The following ZC3H12C variants were observed in gnomAD, a reference collection of about 807,000 sequenced individuals.
ZC3H12C encodes zinc finger CCCH-type containing 12C.
A neutral mutation model predicts 76.3 loss-of-function variants in ZC3H12C; 20 were observed. The ratio of observed to expected loss-of-function variants is 0.26; its 90% confidence interval spans 0.18 to 0.38. The LOEUF (loss-of-function observed/expected upper bound fraction) is 0.38. Among genes scored for constraint, ZC3H12C ranks in the 10% least tolerant of loss-of-function variants. ZC3H12C has a pLI of 1.00. For missense variants in ZC3H12C, 874 were observed against 1,086.5 expected, an observed-to-expected ratio of 0.80 and a Z score of 2.75; for synonymous variants, 352 against 399.6, an observed-to-expected ratio of 0.88 and a Z score of 1.42.
chr11:110,136,578 T>G, intron 1 of ZC3H12C, 85 bp from the exon 2 acceptor site: 1 of 1,426,658 alleles, frequency 7.0e-7, no homozygotes, highest in East Asian at 2.3e-5. Flanking sequence ...TTTTGAGTAG[T>G]TGAGTAATTC....
intron 2 of ZC3H12C, among the ~76,000 whole-genome samples, chr11:110,152,423 T>C (rs971204371): frequency 1.2e-4 from 18 of 152,260 alleles, no homozygotes; most frequent in African/African-American, 4.3e-4. Context: ...ATTGGTCACC[T>C]GATAAAGTTT....
chr11:110,130,014 A>G (rs757584881), intron 1 of ZC3H12C, among the ~76,000 whole-genome samples: 28 of 152,184 alleles, frequency 1.8e-4, no homozygotes, highest in Non-Finnish European at 3.7e-4. Flanking sequence ...TTATAATGTT[A>G]ACTTGTTCCT....
rs191020028 is a variant in ZC3H12C, at chr11:110,098,127, G to A, written c.21+4695G>A. Among the ~76,000 whole-genome samples, 192 of 152,286 alleles carry A rather than the reference G, an allele frequency of 1.3e-3. 3 individuals are homozygous for A. Among genetic ancestry groups the A allele is most frequent in the African/African-American group, 4.5e-3 (188 of 41,564 alleles). ...CAGTGCCGTGCCTGTTACCGCCCCT[G>A]AAGACCTTCCAGTGGGACAAAATGT... On this transcript the variant is annotated intron_variant, in intron 1 of 5. Coordinates refer to ENST00000278590, the MANE Select transcript of ZC3H12C (RefSeq NM_033390.2).
chr11:110,131,017 C>A lies in ZC3H12C; in HGVS notation c.22-5646C>A, dbSNP rs1861855526. The A allele has an allele frequency of 2.6e-6, 4 of 1,535,290 alleles. No homozygotes were observed. In the South Asian group the frequency reaches 4.8e-5, roughly 18 times the overall value. ...GTTCAACCATTCATTGTTCTTCTTG[C>A]CTGCCTGGAAGTCTGCAGCTAAAAT... On this transcript the variant is annotated intron_variant, in intron 1 of 5. Transcript: ENST00000278590.
In ZC3H12C at chr11:110,137,429, C is replaced by A; in HGVS notation, c.773+15C>A. 6.4e-7 allele frequency: 1 copy of A among 1,563,466 alleles called. No homozygotes were observed. Among genetic ancestry groups the A allele is most frequent in the Non-Finnish European group, 8.6e-7 (1 of 1,159,808 alleles). Reference sequence around the variant, plus strand: ...GTGGCAATGAGGTAAGTGGAAAAATCGTTACTGAAAATTACTACCAAATAA... The same window carrying A: ...GTGGCAATGAGGTAAGTGGAAAAATAGTTACTGAAAATTACTACCAAATAA... On this transcript the variant is annotated intron_variant, in intron 2 of 5. Transcript: ENST00000278590.
At chr11:110,142,677 A>G (rs969052841) in intron 2 of ZC3H12C, among the ~76,000 whole-genome samples, 3 of 152,190 alleles carry the variant, frequency 2.0e-5, no homozygotes, top group Non-Finnish European at 2.9e-5. Context: ...ATGGACTTCC[A>G]TAGTAATTTT....
At chr11:110,102,547 G>A (rs1002980500) in intron 1 of ZC3H12C, among the ~76,000 whole-genome samples, 1 of 152,096 alleles carries the variant, frequency 6.6e-6, no homozygotes, top group Non-Finnish European at 1.5e-5. Flanking sequence ...GAATCTGCTG[G>A]TGAAGATGCC....
At chr11:110,125,906 G>GAC (rs1398253968) in intron 1 of ZC3H12C, among the ~76,000 whole-genome samples, 1 of 151,776 alleles carries the variant, frequency 6.6e-6, no homozygotes. Flanking sequence ...AATCATCAGA[G>GAC]AGATAGTCTA....
chr11:110,157,892 C>T (rs1194085235), intron 3 of ZC3H12C, among the ~76,000 whole-genome samples: 4 of 152,128 alleles, frequency 2.6e-5, no homozygotes, highest in African/African-American at 9.7e-5. Flanking sequence ...GATTTTTAAT[C>T]TTGATGGCTG....
chr11:110,110,792 C>T (rs571776741), intron 1 of ZC3H12C, among the ~76,000 whole-genome samples: 1 of 152,198 alleles, frequency 6.6e-6, no homozygotes, highest in Non-Finnish European at 1.5e-5. Flanking sequence ...AAGTAGGGAA[C>T]AAGAAGCAGC....
Position 110,167,100 on chromosome 11 carries a change from T to A in ZC3H12C, c.*1363T>A, listed in dbSNP as rs111942214. 6.6e-6 allele frequency: 1 copy of A among 152,228 alleles called. No individual in the cohort carries two copies. The highest frequency in any genetic ancestry group is 1.9e-4 in the East Asian group (1 of 5,200). The allele number at this position is 152,228 out of a possible 1,614,324, so 9.4% of individuals were successfully genotyped here. A position where few individuals can be genotyped will look rare whatever the true frequency, so the allele number is the denominator to read the frequency against. On this transcript the variant is annotated 3_prime_UTR_variant, in exon 6 of 6. Transcript: ENST00000278590. ...CAGTCAGTGGCAGACAGTTGTGTGA[T>A]TGACATCACTTGACTGTTGCGTCCA...
intron 1 of ZC3H12C, among the ~76,000 whole-genome samples, chr11:110,120,137 G>A (rs538766526): frequency 6.6e-6 from 1 of 152,122 alleles, no homozygotes; most frequent in Non-Finnish European, 1.5e-5. Flanking sequence ...GACTTGCTTT[G>A]TTCTTACTGT....
intron 1 of ZC3H12C, among the ~76,000 whole-genome samples, chr11:110,105,944 C>T (rs1158882192): frequency 6.6e-6 from 1 of 152,070 alleles, no homozygotes; most frequent in Non-Finnish European, 1.5e-5. Flanking sequence ...TTAACAAATT[C>T]CTAGATGTGG....
rs1319490850 is a variant in ZC3H12C, at chr11:110,169,197, A to C, written c.*3460A>C. On this transcript the variant is annotated 3_prime_UTR_variant, in exon 6 of 6. Transcript: ENST00000278590. ...ATTTTAAAATACACAAAAAACTTAAAGTAGTATTGATTATACAAATAATTA... is the reference window on the plus strand; with the variant it reads ...ATTTTAAAATACACAAAAAACTTAACGTAGTATTGATTATACAAATAATTA... 6.6e-6 allele frequency: 1 copy of C among 152,190 alleles called. No individual in the cohort carries two copies. The highest frequency in any genetic ancestry group is 1.5e-5 in the Non-Finnish European group (1 of 68,024). 9.4% of individuals were successfully genotyped at this position (152,190 alleles called of 1,614,324 possible). A position where few individuals can be genotyped will look rare whatever the true frequency, so the allele number is the denominator to read the frequency against.
intron 2 of ZC3H12C, among the ~76,000 whole-genome samples, chr11:110,145,255 A>T (rs1862142102): frequency 6.6e-6 from 1 of 152,240 alleles, no homozygotes; most frequent in African/African-American, 2.4e-5. Flanking sequence ...AGGGCAGAAA[A>T]GTAGAATTTA....
intron 1 of ZC3H12C, among the ~76,000 whole-genome samples, chr11:110,096,900 C>G (rs1591453387): frequency 1.3e-5 from 2 of 152,182 alleles, no homozygotes; most frequent in African/African-American, 4.8e-5. Flanking sequence ...TTCAGTCCAG[C>G]ATGGCAAATG....
At chr11:110,104,295 A>G (rs2187392) in intron 1 of ZC3H12C, among the ~76,000 whole-genome samples, 106,634 of 151,876 alleles carry the variant, frequency 0.7, 37,711 homozygotes, top group East Asian at 0.89. Context: ...CTGACCTCAC[A>G]TAATCCACTT....
intron 1 of ZC3H12C, among the ~76,000 whole-genome samples, chr11:110,128,820 T>C (rs1187477376): frequency 6.6e-6 from 1 of 150,660 alleles, no homozygotes. Flanking sequence ...GTGGCCCTTC[T>C]CTTATTCTTT....
chr11:110,165,236 C>G lies in ZC3H12C; in HGVS notation c.2151C>G (p.Ala717=), dbSNP rs999516814. The change falls in exon 6 of 6, where the codon GCC becomes GCG. Residue 717 remains alanine (A), a synonymous_variant. Coordinates refer to ENST00000278590, the MANE Select transcript of ZC3H12C (RefSeq NM_033390.2). The stretch of plus-strand genomic sequence containing the variant: ...ACCTGCCGCACTCCGCTGTGGGCGC[C>G]CGGTCCAGCTGTCCTGGCGACTACC... The part of the protein sequence containing the change: ...ALHLPHSAVG[A]RSSCPGDYPS... 15 of 1,613,884 alleles carry G rather than the reference C, an allele frequency of 9.3e-6. No homozygotes were observed. The highest frequency in any genetic ancestry group is 4.0e-5 in the African/African-American group (3 of 74,932).
Sources: allele counts gnomAD v4.1 joint callset (sites outside exome capture counted in the v4.1 genomes callset), GRCh38; gene constraint gnomAD v4.1.1; transcripts MANE v1.5; gene names NCBI Gene and HGNC (gene_info 2026-07-23, HGNC 2026-07-21).